The following PRMT3 variants were observed in gnomAD, a reference collection of about 807,000 sequenced individuals.
PRMT3 encodes protein arginine N-methyltransferase 3.
A neutral mutation model predicts 71.9 loss-of-function variants in PRMT3; 62 were observed. The ratio of observed to expected loss-of-function variants is 0.86; its 90% CI spans 0.70 to 1.07. The LOEUF (loss-of-function observed/expected upper bound fraction) is 1.07. PRMT3 is among the 50% of genes least tolerant of loss of function. The pLI is 0.00. For synonymous variants in PRMT3, 213 were observed against 220.4 expected (o/e 0.97, Z 0.30); for missense variants, 663 against 643.0 (o/e 1.03, Z -0.34).
At chr11:20,491,169 T>C (rs1250674754) in intron 13 of PRMT3, among the ~76,000 whole-genome samples, 1 of 152,216 alleles carries the variant, frequency 6.6e-6, no homozygotes, top group African/African-American at 2.4e-5. Flanking sequence ...TAATTTTCAA[T>C]TGAAAATTTT....
chr11:20,500,582 C>T (rs1476946863), intron 15 of PRMT3, among the ~76,000 whole-genome samples: 1 of 152,110 alleles, frequency 6.6e-6, no homozygotes, highest in South Asian at 2.1e-4. Flanking sequence ...CAGAAATAGA[C>T]CTGCTCTTGT....
At position 20,438,127 on chromosome 11, in the gene PRMT3, G is replaced by T. The variant is rs1345961397; in HGVS notation, c.993+11262G>T. On this transcript the variant is annotated intron_variant, in intron 10 of 15. Transcript: ENST00000331079. Reference sequence around the variant, plus strand: ...TTCACCCTCTGTGGCAGGGTTGGATGTAAGTTTCCCACAAGAACTAGGATC... The same window carrying T: ...TTCACCCTCTGTGGCAGGGTTGGATTTAAGTTTCCCACAAGAACTAGGATC... 2.6e-5 allele frequency among the ~76,000 whole-genome samples: 4 copies of T among 152,252 alleles called. No individual in the cohort carries two copies. The South Asian group carries it at 8.3e-4, about 32-fold the overall frequency.
Position 20,392,974 on chromosome 11 carries a change from A to G in PRMT3, c.375A>G (p.Leu125=), listed in dbSNP as rs7128237. Residue 125 remains leucine (L), a synonymous_variant, in exon 5 of 16, where the codon TTA becomes TTG. Coordinates refer to ENST00000331079, the MANE Select transcript of PRMT3 (RefSeq NM_005788.4). ...WEKEEYLKPV[L]EDDLLLQFDV... is the part of the protein sequence containing the mutation. The stretch of plus-strand genomic sequence containing the variant: ...AAGAAGAGTATTTGAAGCCAGTATT[A>G]GAAGATGACCTTTTACTTCAATTTG... 1,729 of 1,601,912 alleles carry G rather than the reference A, an allele frequency of 1.1e-3. 13 individuals are homozygous for G. The African/African-American group carries it at 0.021, about 20-fold the overall frequency.
At chr11:20,452,100 A>G (rs1850162461) in intron 10 of PRMT3, 30 bp from the exon 11 acceptor site, 1 of 1,503,502 alleles carries the variant, frequency 6.7e-7, no homozygotes, top group Non-Finnish European at 9.2e-7. Context: ...GCACATTTCT[A>G]AACTCTTTTT....
chr11:20,426,909 A>G, intron 10 of PRMT3, 44 bp downstream of exon 10: 1 of 1,479,150 alleles, frequency 6.8e-7, no homozygotes, highest in Admixed American at 3.0e-5. Flanking sequence ...TAAAATGAAA[A>G]AACTTTTTTA....
intron 10 of PRMT3, among the ~76,000 whole-genome samples, chr11:20,450,320 A>G (rs1850120587): frequency 6.6e-6 from 1 of 152,118 alleles, no homozygotes; most frequent in South Asian, 2.1e-4. Context: ...GATGCCTTCC[A>G]TTTAATAATT....
At chr11:20,429,034 C>G (rs752099551) in intron 10 of PRMT3, among the ~76,000 whole-genome samples, 1 of 152,184 alleles carries the variant, frequency 6.6e-6, no homozygotes, top group African/African-American at 2.4e-5. Flanking sequence ...CTTTTATCCT[C>G]TGTATAAGTG....
chr11:20,487,670 A>C (rs1465567336), intron 13 of PRMT3, among the ~76,000 whole-genome samples: 1 of 152,334 alleles, frequency 6.6e-6, no homozygotes, highest in Non-Finnish European at 1.5e-5. Flanking sequence ...TGTACATTAT[A>C]AAGCAGTTTC....
At chr11:20,424,309 T>G (rs771110990) in intron 9 of PRMT3, among the ~76,000 whole-genome samples, 27 of 152,166 alleles carry the variant, frequency 1.8e-4, no homozygotes, top group Admixed American at 2.6e-4. Context: ...GCTATAGTAA[T>G]GAAGAAAGTG....
rs1031986913 is a variant in PRMT3 at position 20,392,332 on chromosome 11, ATTAT to A, written c.297+76_297+79del. 6.4e-6 allele frequency: 9 copies of A among 1,414,766 alleles called. No individual in the cohort carries two copies. The African/African-American group carries it at 1.3e-4, about 21-fold the overall frequency. The allele number at this position is 1,414,766 out of a possible 1,614,324, so 87.6% of individuals were successfully genotyped here. On this transcript the variant is annotated intron_variant, in intron 4 of 15. Transcript: ENST00000331079. ...TGCTACAGTGACTGTCAGTGTACTG[ATTAT>A]TTAAAAGAATATGAGGAACTGCATT...
chr11:20,478,093 A>G (rs1212944769), intron 13 of PRMT3, among the ~76,000 whole-genome samples: 1 of 152,198 alleles, frequency 6.6e-6, no homozygotes, highest in East Asian at 1.9e-4. Flanking sequence ...GCTAGGAAGA[A>G]TTTATTCCCC....
At chr11:20,441,788 GTTTT>G (rs61553968) in intron 10 of PRMT3, among the ~76,000 whole-genome samples, 6 of 118,534 alleles carry the variant, frequency 5.1e-5, no homozygotes, top group Admixed American at 1.8e-4. Flanking sequence ...ATAGTTTCAG[GTTTT>G]TTTTTTTTTT....
At chr11:20,406,522 A>C (rs565194870) in intron 8 of PRMT3, 1 of 152,198 alleles carries the variant, frequency 6.6e-6, no homozygotes, top group East Asian at 1.9e-4. Flanking sequence ...TATGTATGAC[A>C]TTTTGCTTAT....
intron 8 of PRMT3, 53 bp downstream of exon 8, chr11:20,403,037 G>T (rs1246067508): frequency 7.5e-7 from 1 of 1,331,908 alleles, no homozygotes; most frequent in Non-Finnish European, 1.1e-6. Context: ...TTGGGCAGTA[G>T]AAATCCTCTC....
intron 10 of PRMT3, among the ~76,000 whole-genome samples, chr11:20,437,203 C>G (rs1488475826): frequency 6.6e-6 from 1 of 150,880 alleles, no homozygotes; most frequent in East Asian, 1.9e-4. Context: ...TTTTGCTTAT[C>G]TTTTTTAAAA....
rs559553928 is a variant in PRMT3, at chr11:20,420,127, G to A, written c.894-6639G>A. Among the ~76,000 whole-genome samples the A allele has an allele frequency of 1.4e-3, 206 of 152,240 alleles. 1 individual carries two copies. Among genetic ancestry groups the A allele is most frequent in the Admixed American group, 2.9e-3 (44 of 15,286 alleles). On this transcript the variant is annotated intron_variant, in intron 9 of 15. Transcript: ENST00000331079. ...GCGGAGGTTGCAGTGAGCTGAGATC[G>A]TGCCACAGCACTCTAGCCTGGGTGA... is the stretch of plus-strand genomic sequence containing the variant.
intron 9 of PRMT3, among the ~76,000 whole-genome samples, chr11:20,417,328 A>G (rs923847426): frequency 6.6e-6 from 1 of 152,216 alleles, no homozygotes; most frequent in Admixed American, 6.5e-5. Flanking sequence ...GTAAATGAAT[A>G]GTATATATTG....
intron 15 of PRMT3, among the ~76,000 whole-genome samples, chr11:20,505,543 A>T (rs978380690): frequency 6.6e-6 from 1 of 152,220 alleles, no homozygotes; most frequent in Non-Finnish European, 1.5e-5. Flanking sequence ...CAAGTTGGCA[A>T]TTACTATTCT....
At chr11:20,449,329 A>G (rs1343084480) in intron 10 of PRMT3, among the ~76,000 whole-genome samples, 6 of 152,168 alleles carry the variant, frequency 3.9e-5, no homozygotes, top group Non-Finnish European at 1.5e-5. Flanking sequence ...CACCTGTTGT[A>G]AATTCTAATC....
Sources: allele counts gnomAD v4.1 joint callset (sites outside exome capture counted in the v4.1 genomes callset), GRCh38; gene constraint gnomAD v4.1.1; transcripts MANE v1.5; gene names NCBI Gene and HGNC (gene_info 2026-07-23, HGNC 2026-07-21).